NXPH2: variants seen among roughly 807,000 people sequenced by gnomAD.
The protein encoded by NXPH2 is neurexophilin 2.
NXPH2 carries 5 observed loss-of-function variants against 19.8 expected under a neutral mutation model. That is an observed-to-expected ratio of 0.25 (90% CI 0.13 to 0.53). NXPH2 has a LOEUF of 0.53. Ranked by LOEUF, NXPH2 falls within the 20% of genes least tolerant of loss-of-function variation. NXPH2 has a pLI of 0.96. For missense variants in NXPH2, 289 were observed against 322.8 expected, an observed-to-expected ratio of 0.90 and a Z score of 0.80; for synonymous variants, 154 against 127.4, an observed-to-expected ratio of 1.21 and a Z score of -1.41.
At chr2:138,750,496 A>G (rs1228779342) in intron 1 of NXPH2, among the ~76,000 whole-genome samples, 4 of 152,212 alleles carry the variant, frequency 2.6e-5, no homozygotes, top group Non-Finnish European at 4.4e-5. Flanking sequence ...AGTTATAAAC[A>G]TCATCAGAAG....
chr2:138,715,736 T>G (rs1681187475), intron 1 of NXPH2, among the ~76,000 whole-genome samples: 1 of 152,208 alleles, frequency 6.6e-6, no homozygotes, highest in Non-Finnish European at 1.5e-5. Context: ...AGCTGTTTCC[T>G]TTATATTTTC....
chr2:138,706,122 C>A (rs2104984993), intron 1 of NXPH2, among the ~76,000 whole-genome samples: 1 of 152,274 alleles, frequency 6.6e-6, no homozygotes, highest in East Asian at 1.9e-4. Flanking sequence ...GTGGTCTGAC[C>A]ATTACAGAAC....
intron 1 of NXPH2, among the ~76,000 whole-genome samples, chr2:138,717,334 T>A (rs986169284): frequency 6.6e-6 from 1 of 152,050 alleles, no homozygotes; most frequent in Non-Finnish European, 1.5e-5. Flanking sequence ...TCAAGGCAAC[T>A]GTCTTAGTCC....
At position 138,720,782 on chromosome 2, in the gene NXPH2, CCTTT is replaced by C. The variant is rs1407929759; in HGVS notation, c.52-49121_52-49118del. 2.0e-5 allele frequency among the ~76,000 whole-genome samples: 3 copies of C among 152,268 alleles called. No individual in the cohort carries two copies. In the East Asian group the frequency reaches 5.8e-4, roughly 29 times the overall value. ...ATCTTGGGGTCTCTGAGCTTCAGTT[CCTTT>C]ATCTGTAAAACATAGATAAATGCTT... On this transcript the variant is annotated intron_variant, in intron 1 of 1. Coordinates refer to ENST00000272641, the MANE Select transcript of NXPH2 (RefSeq NM_007226.3).
intron 1 of NXPH2, among the ~76,000 whole-genome samples, chr2:138,726,172 A>G (rs145477894): frequency 0.021 from 3,202 of 152,092 alleles, 46 homozygotes; most frequent in Non-Finnish European, 0.028. Flanking sequence ...CCTCCTGAGT[A>G]GCTGGGATTA....
At position 138,676,621 on chromosome 2, in the gene NXPH2, T is replaced by C. The variant is rs531720664; in HGVS notation, c.52-4956A>G. On this transcript the variant is annotated intron_variant, in intron 1 of 1. Coordinates refer to ENST00000272641, the MANE Select transcript of NXPH2 (RefSeq NM_007226.3). ...CCTCAGTTTTCTCACCTACATCTCC[T>C]TTGCTGTTTGGCTGTAAGGACTAAA... 2.6e-5 allele frequency among the ~76,000 whole-genome samples: 4 copies of C among 152,254 alleles called. No homozygotes were observed. In the South Asian group the frequency reaches 8.3e-4, roughly 32 times the overall value.
chr2:138,776,345 C>T (rs975404534), intron 1 of NXPH2, among the ~76,000 whole-genome samples: 1 of 151,858 alleles, frequency 6.6e-6, no homozygotes, highest in Non-Finnish European at 1.5e-5. Context: ...ATTAAGAAAG[C>T]TTTTCTTTTC....
Position 138,701,076 on chromosome 2 carries a change from G to A in NXPH2, c.52-29411C>T, listed in dbSNP as rs72988907. Among the ~76,000 whole-genome samples the A allele has an allele frequency of 3.5e-3, 538 of 152,250 alleles. 3 individuals are homozygous for A. Among genetic ancestry groups the A allele is most frequent in the African/African-American group, 8.8e-3 (366 of 41,554 alleles). On this transcript the variant is annotated intron_variant, in intron 1 of 1. Transcript: ENST00000272641. ...TGATAATACCTTCTGGGGAAAAAGC[G>A]AAAGCAATCAAATAGGAAGCATGCC...
chr2:138,682,511 TTGTGGCATAA>T (rs1249503677), intron 1 of NXPH2, among the ~76,000 whole-genome samples: 1 of 152,176 alleles, frequency 6.6e-6, no homozygotes, highest in Non-Finnish European at 1.5e-5. Context: ...TATTAATATT[TTGTGGCATAA>T]TGTGGCATTG....
intron 1 of NXPH2, among the ~76,000 whole-genome samples, chr2:138,674,347 T>C (rs973152394): frequency 4.6e-5 from 7 of 151,924 alleles, no homozygotes; most frequent in African/African-American, 1.5e-4. Flanking sequence ...GGAGACAGGG[T>C]CTCACCATGT....
chr2:138,742,881 GAT>G (rs1440690892), intron 1 of NXPH2, among the ~76,000 whole-genome samples: 2 of 152,148 alleles, frequency 1.3e-5, no homozygotes, highest in Non-Finnish European at 2.9e-5. Flanking sequence ...TCACAATAGA[GAT>G]ATAGTCGTGA....
chr2:138,724,881 A>T (rs1681335819), intron 1 of NXPH2, among the ~76,000 whole-genome samples: 1 of 152,242 alleles, frequency 6.6e-6, no homozygotes, highest in Non-Finnish European at 1.5e-5. Flanking sequence ...CTCATACACA[A>T]TAAATACCAT....
intron 1 of NXPH2, among the ~76,000 whole-genome samples, chr2:138,725,214 A>G (rs1429213604): frequency 6.6e-6 from 1 of 152,256 alleles, no homozygotes; most frequent in African/African-American, 2.4e-5. Context: ...TAAAATGTGC[A>G]GTTATTGAAG....
At chr2:138,775,749 T>G (rs149526054) in intron 1 of NXPH2, among the ~76,000 whole-genome samples, 143 of 152,248 alleles carry the variant, frequency 9.4e-4, no homozygotes, top group Non-Finnish European at 1.6e-3. Flanking sequence ...TCCTGCATAC[T>G]ATAAGGATAC....
At chr2:138,714,287 T>C (rs907209581) in intron 1 of NXPH2, among the ~76,000 whole-genome samples, 6 of 152,216 alleles carry the variant, frequency 3.9e-5, no homozygotes, top group African/African-American at 1.4e-4. Context: ...TATATTTTTG[T>C]ATTTTTGGCT....
chr2:138,713,557 C>G (rs1681139391), intron 1 of NXPH2, among the ~76,000 whole-genome samples: 1 of 152,034 alleles, frequency 6.6e-6, no homozygotes, highest in Non-Finnish European at 1.5e-5. Flanking sequence ...CTTTCTAAAG[C>G]TGGCTTTAAC....
chr2:138,698,676 A>G (rs1270375746), intron 1 of NXPH2, among the ~76,000 whole-genome samples: 1 of 152,108 alleles, frequency 6.6e-6, no homozygotes, highest in Non-Finnish European at 1.5e-5. Context: ...GCAAGATGGC[A>G]AAACTCGTCT....
intron 1 of NXPH2, among the ~76,000 whole-genome samples, chr2:138,680,078 A>G (rs531944679): frequency 3.1e-4 from 47 of 152,260 alleles, no homozygotes; most frequent in African/African-American, 9.6e-4. Context: ...CAATCAGGAC[A>G]AGCAGGGAAG....
intron 1 of NXPH2, among the ~76,000 whole-genome samples, chr2:138,766,143 C>T (rs116087484): frequency 2.4e-3 from 360 of 152,298 alleles, no homozygotes; most frequent in African/African-American, 7.7e-3. Context: ...GCACTGGGCA[C>T]AGTGCCTGAC....
Sources: allele counts gnomAD v4.1 joint callset (sites outside exome capture counted in the v4.1 genomes callset), GRCh38; gene constraint gnomAD v4.1.1; transcripts MANE v1.5; gene names NCBI Gene and HGNC (gene_info 2026-07-23, HGNC 2026-07-21).